The following THSD7A variants were observed in gnomAD, a reference collection of about 807,000 sequenced individuals.
The protein encoded by THSD7A is thrombospondin type 1 domain containing 7A, also known as thrombospondin type-1 domain-containing protein 7A.
THSD7A carries 96 observed loss-of-function variants against 231.3 expected under a neutral mutation model. The ratio of observed to expected loss-of-function variants is 0.41; its 90% CI spans 0.35 to 0.49. The LOEUF (loss-of-function observed/expected upper bound fraction) is 0.49. Ranked by LOEUF, THSD7A falls within the 20% of genes least tolerant of loss-of-function variation. The pLI, the probability that THSD7A is intolerant of heterozygous loss-of-function variation, is 0.05. For missense variants in THSD7A, 2,290 were observed against 2,070.2 expected, an observed-to-expected ratio of 1.11 and a Z score of -2.06; for synonymous variants, 940 against 743.3, an observed-to-expected ratio of 1.26 and a Z score of -4.30.
chr7:11,415,978 C>T (rs932347369), intron 17 of THSD7A, among the ~76,000 whole-genome samples: 4 of 152,162 alleles, frequency 2.6e-5, no homozygotes, highest in Non-Finnish European at 1.5e-5. Context: ...CTCTCTGAAC[C>T]TGTTCTGGTT....
At chr7:11,823,286 T>A (rs1336369948) in intron 1 of THSD7A, among the ~76,000 whole-genome samples, 1 of 152,060 alleles carries the variant, frequency 6.6e-6, no homozygotes, top group Non-Finnish European at 1.5e-5. Flanking sequence ...TATTTCTGGG[T>A]AATCCATTCT....
chr7:11,623,881 A>G (rs1210090445), intron 2 of THSD7A, among the ~76,000 whole-genome samples: 1 of 152,146 alleles, frequency 6.6e-6, no homozygotes, highest in African/African-American at 2.4e-5. Flanking sequence ...ACTTTCGTCT[A>G]TTGAGGACGT....
chr7:11,567,718 T>G (rs188300406), intron 4 of THSD7A, among the ~76,000 whole-genome samples: 1 of 152,146 alleles, frequency 6.6e-6, no homozygotes, highest in African/African-American at 2.4e-5. Flanking sequence ...AGTGAAGAGA[T>G]AAGATTGCAA....
chr7:11,788,018 CA>C (rs1339625772), intron 1 of THSD7A, among the ~76,000 whole-genome samples: 2 of 152,010 alleles, frequency 1.3e-5, no homozygotes, highest in Non-Finnish European at 2.9e-5. Context: ...TTCACATATC[CA>C]AAACCCAACT....
At chr7:11,781,730 G>A (rs1381416188) in intron 1 of THSD7A, among the ~76,000 whole-genome samples, 1 of 152,020 alleles carries the variant, frequency 6.6e-6, no homozygotes, top group Non-Finnish European at 1.5e-5. Context: ...TTTAGTATTT[G>A]GCTTTATATT....
chr7:11,375,812 A>G lies in THSD7A; in HGVS notation c.4956T>C (p.Asp1652=), dbSNP rs56264449. The G allele has an allele frequency of 5.2e-3, 8,464 of 1,612,644 alleles. 251 individuals are homozygous for G. In the African/African-American group the frequency reaches 0.076, roughly 14 times the overall value. Residue 1652 remains aspartate, a synonymous_variant, in exon 28 of 28, where the codon GAT becomes GAC. Coordinates refer to ENST00000423059, the MANE Select transcript of THSD7A (RefSeq NM_015204.3). The part of the protein sequence containing the change: ...NRLKPLTLAY[D]GDADM ...TTATATGTTACATGTCGGCATCTCC[A>G]TCATAGGCTAAGGTTAAAGGTTTCA... is the stretch of plus-strand genomic sequence containing the variant.
intron 1 of THSD7A, among the ~76,000 whole-genome samples, chr7:11,800,256 C>T (rs543649321): frequency 6.6e-6 from 1 of 152,138 alleles, no homozygotes; most frequent in East Asian, 1.9e-4. Context: ...TCTTTAAAAA[C>T]ATCCTATTTG....
At chr7:11,791,791 T>C (rs1783959165) in intron 1 of THSD7A, among the ~76,000 whole-genome samples, 1 of 151,974 alleles carries the variant, frequency 6.6e-6, no homozygotes, top group African/African-American at 2.4e-5. Context: ...GAAATGAGTG[T>C]GTATACAGTA....
At chr7:11,571,876 T>C (rs978672702) in intron 4 of THSD7A, among the ~76,000 whole-genome samples, 1 of 152,172 alleles carries the variant, frequency 6.6e-6, no homozygotes, top group African/African-American at 2.4e-5. Context: ...GTATTTTTGC[T>C]GTTGTCCTCT....
Position 11,448,357 on chromosome 7 carries a change from A to G in THSD7A, c.2606-933T>C, listed in dbSNP as rs564519141. ...TTTCTCCCTATGCCATTTCCTTTCC[A>G]TTGGTTTTAAAAACAACTCACTTAT... is the stretch of plus-strand genomic sequence containing the variant. On this transcript the variant is annotated intron_variant, in intron 11 of 27. Transcript: ENST00000423059. 2.4e-4 allele frequency among the ~76,000 whole-genome samples: 36 copies of G among 152,258 alleles called. No homozygotes were observed. In the East Asian group the frequency reaches 6.0e-3, roughly 25 times the overall value.
chr7:11,722,854 T>C (rs1168950664), intron 1 of THSD7A, among the ~76,000 whole-genome samples: 1 of 151,872 alleles, frequency 6.6e-6, no homozygotes, highest in Non-Finnish European at 1.5e-5. Flanking sequence ...TGTGGAGAAA[T>C]AGGAACACTT....
chr7:11,512,475 C>T (rs1255300760), intron 6 of THSD7A, among the ~76,000 whole-genome samples: 1 of 152,060 alleles, frequency 6.6e-6, no homozygotes, highest in Non-Finnish European at 1.5e-5. Flanking sequence ...GCTATAAAGA[C>T]ACATGCACAC....
rs1782224118 is a variant in THSD7A at position 11,375,368 on chromosome 7, A to G, written c.*426T>C. The G allele has an allele frequency of 6.4e-6, 1 of 155,854 alleles. No individual in the cohort carries two copies. 9.7% of individuals were successfully genotyped at this position (155,854 alleles called of 1,614,324 possible). On this transcript the variant is annotated 3_prime_UTR_variant, in exon 28 of 28. Coordinates refer to ENST00000423059, the MANE Select transcript of THSD7A (RefSeq NM_015204.3). ...TAATGTGTGTCATTCAACTGAGTAC[A>G]CATGTTAATTTGACCATAGTATTGT...
intron 1 of THSD7A, among the ~76,000 whole-genome samples, chr7:11,661,154 T>A (rs1027983633): frequency 6.6e-6 from 1 of 151,424 alleles, no homozygotes; most frequent in Non-Finnish European, 1.5e-5. Flanking sequence ...CAAAAGGCTA[T>A]ACCTGTGGAT....
chr7:11,491,240 T>A (rs1385792749), intron 6 of THSD7A, among the ~76,000 whole-genome samples: 1 of 152,120 alleles, frequency 6.6e-6, no homozygotes, highest in African/African-American at 2.4e-5. Flanking sequence ...ACTTACGTAA[T>A]TTTTGATTGT....
chr7:11,495,337 T>G (rs1787055550), intron 6 of THSD7A, among the ~76,000 whole-genome samples: 1 of 152,020 alleles, frequency 6.6e-6, no homozygotes, highest in East Asian at 1.9e-4. Context: ...TAGAAGACCC[T>G]TGGCCGTAGG....
chr7:11,401,982 A>G lies in THSD7A; in HGVS notation c.4238-14T>C, dbSNP rs772538886. The stretch of plus-strand genomic sequence containing the variant: ...AATAACAGTCACCTGTAAAACACAT[A>G]TTTGTAATTTACACCCATATCCACA... On this transcript the variant is annotated splice_polypyrimidine_tract_variant and intron_variant, in intron 22 of 27. Transcript: ENST00000423059. 2.5e-6 allele frequency: 4 copies of G among 1,607,538 alleles called. No individual in the cohort carries two copies. In the South Asian group the frequency reaches 3.3e-5, roughly 13 times the overall value.
chr7:11,792,751 G>A (rs547980188), intron 1 of THSD7A, among the ~76,000 whole-genome samples: 12 of 151,818 alleles, frequency 7.9e-5, no homozygotes, highest in African/African-American at 1.2e-4. Context: ...TATACCATAG[G>A]CCATTAAATA....
chr7:11,531,754 C>T (rs1439649602), intron 6 of THSD7A, among the ~76,000 whole-genome samples: 1 of 152,128 alleles, frequency 6.6e-6, no homozygotes, highest in Non-Finnish European at 1.5e-5. Flanking sequence ...CTTTGGTACA[C>T]AGTGAGGTTA....
Sources: gnomAD v4.1 joint callset for allele counts (sites outside exome capture counted in the v4.1 genomes callset) on GRCh38, gnomAD v4.1.1 for gene constraint, MANE v1.5 for transcripts, NCBI Gene and HGNC (gene_info 2026-07-23, HGNC 2026-07-21) for gene names.